SNX3: variants seen among roughly 807,000 people sequenced by gnomAD.
SNX3 encodes sorting nexin 3.
Under a neutral mutation model 17.7 loss-of-function variants are expected in SNX3, and 5 were observed. That is an observed-to-expected ratio of 0.28 (90% CI 0.15 to 0.59). SNX3 has a LOEUF of 0.59. Among genes scored for constraint, SNX3 ranks in the 20% least tolerant of loss-of-function variants. The pLI is 0.88. For synonymous variants in SNX3, 91 were observed against 76.5 expected, an observed-to-expected ratio of 1.19 and a Z score of -0.99; for missense variants, 132 against 206.8, an observed-to-expected ratio of 0.64 and a Z score of 2.22.
At chr6:108,235,353 G>A in intron 1 of SNX3, among the ~76,000 whole-genome samples, 1 of 152,118 alleles carries the variant, frequency 6.6e-6, no homozygotes. Context: ...AAATCCTCCA[G>A]TCCCAGTCAA....
chr6:108,258,876 G>A lies in SNX3; in HGVS notation c.162+1884C>T, dbSNP rs562536874. Among the ~76,000 whole-genome samples, 9 of 152,012 alleles carry A rather than the reference G, an allele frequency of 5.9e-5. No homozygotes were observed. In the South Asian group the frequency reaches 1.3e-3, roughly 21 times the overall value. ...ATTAGGTGTATTAAAAAAAAAAGAG[G>A]ATTAAATTATTATACTAGAACCCAT... is the stretch of plus-strand genomic sequence containing the variant. On this transcript the variant is annotated intron_variant, in intron 1 of 3. Transcript: ENST00000230085.
Position 108,211,305 on chromosome 6 carries a change from C to G in SNX3, c.*844G>C, listed in dbSNP as rs1397413019. ...AAGTGCTTCAAAATGATTCAATAAG[C>G]CTTAAGCAATACATTTTTTAGTATA... is the stretch of plus-strand genomic sequence containing the variant. On this transcript the variant is annotated 3_prime_UTR_variant, in exon 4 of 4. Coordinates refer to ENST00000230085, the MANE Select transcript of SNX3 (RefSeq NM_003795.6). 2.6e-5 allele frequency: 4 copies of G among 152,106 alleles called. No homozygotes were observed. The highest frequency in any genetic ancestry group is 9.7e-5 in the African/African-American group (4 of 41,406). The allele number at this position is 152,106 out of a possible 1,614,324, so 9.4% of individuals were successfully genotyped here.
At position 108,214,578 on chromosome 6, in the gene SNX3, A is replaced by G; in HGVS notation, c.303T>C (p.Leu101=). The G allele has an allele frequency of 6.2e-7, 1 of 1,613,484 alleles. No homozygotes were observed. The highest frequency in any genetic ancestry group is 2.2e-5 in the East Asian group (1 of 44,878). ...ATATTCCATCATCTCCTCTAAAAGG[A>G]AGCTGACGCAAAAACGCTTTCCCAG... The part of the protein sequence containing the change: ...PLPGKAFLRQ[L]PFRGDDGIFD... Residue 101 remains leucine, a synonymous_variant, in exon 3 of 4, where the codon CTT becomes CTC. Transcript: ENST00000230085.
intron 1 of SNX3, among the ~76,000 whole-genome samples, chr6:108,224,382 G>A (rs1359870621): frequency 2.0e-5 from 3 of 152,084 alleles, no homozygotes; most frequent in African/African-American, 2.4e-5. Context: ...CTGGGTTCAC[G>A]CCATTCTCCT....
intron 1 of SNX3, among the ~76,000 whole-genome samples, chr6:108,224,235 C>G (rs546970530): frequency 1.1e-4 from 16 of 152,284 alleles, no homozygotes; most frequent in African/African-American, 3.6e-4. Context: ...TCCCGGGTAG[C>G]TGGGACTGCA....
chr6:108,260,573 C>T (rs995034671), intron 1 of SNX3, among the ~76,000 whole-genome samples, 187 bp downstream of exon 1: 1 of 152,278 alleles, frequency 6.6e-6, no homozygotes, highest in Non-Finnish European at 1.5e-5. Context: ...GCGCCGGGCT[C>T]GCTCTGCAGC....
rs761327116 is a variant in SNX3, at chr6:108,260,927, T to C, written c.-6A>G. On this transcript the variant is annotated 5_prime_UTR_variant, in exon 1 of 4. Transcript: ENST00000230085. ...TCAGCCACGGTCTCCGCCATTTCGC[T>C]GTAGCTGCTGCCGCCGCCGCGGGCT... 6.4e-7 allele frequency: 1 copy of C among 1,568,572 alleles called. No homozygotes were observed. Among genetic ancestry groups the C allele is most frequent in the Non-Finnish European group, 8.6e-7 (1 of 1,158,116 alleles).
intron 2 of SNX3, among the ~76,000 whole-genome samples, chr6:108,219,815 C>T (rs1774699772): frequency 6.6e-6 from 1 of 152,144 alleles, no homozygotes; most frequent in Admixed American, 6.6e-5. Flanking sequence ...AATCTATTTG[C>T]CCAACCTAAA....
At chr6:108,239,055 C>T (rs560724734) in intron 1 of SNX3, among the ~76,000 whole-genome samples, 3 of 152,026 alleles carry the variant, frequency 2.0e-5, no homozygotes, top group African/African-American at 7.2e-5. Context: ...CATGTGCCCC[C>T]ACACCCAGCT....
chr6:108,221,271 T>C (rs946995465), intron 2 of SNX3, among the ~76,000 whole-genome samples: 1 of 139,950 alleles, frequency 7.1e-6, no homozygotes, highest in Admixed American at 7.2e-5. Flanking sequence ...TTTAGCTTTG[T>C]TTTTTTTTTT....
intron 1 of SNX3, among the ~76,000 whole-genome samples, chr6:108,260,131 A>T (rs774736055): frequency 5.3e-5 from 8 of 152,232 alleles, no homozygotes; most frequent in Non-Finnish European, 8.8e-5. Flanking sequence ...GTTCTGGATT[A>T]TGAGGTAGGT....
chr6:108,245,585 G>C (rs1345513323), intron 1 of SNX3, among the ~76,000 whole-genome samples: 1 of 152,128 alleles, frequency 6.6e-6, no homozygotes, highest in African/African-American at 2.4e-5. Context: ...GTGTAAAAGC[G>C]TTCCTATTTC....
intron 1 of SNX3, among the ~76,000 whole-genome samples, chr6:108,224,603 C>T (rs1156979002): frequency 1.3e-5 from 2 of 152,062 alleles, no homozygotes; most frequent in African/African-American, 2.4e-5. Flanking sequence ...CTAAATGAAA[C>T]CAAAATATTT....
chr6:108,244,654 T>TG (rs1261419698), intron 1 of SNX3, among the ~76,000 whole-genome samples: 84 of 140,642 alleles, frequency 6.0e-4, no homozygotes, highest in African/African-American at 2.1e-3. Flanking sequence ...GGAGTTTTTT[T>TG]TTTTTTTTTT....
chr6:108,228,817 T>C (rs189590525), intron 1 of SNX3, among the ~76,000 whole-genome samples: 64 of 152,132 alleles, frequency 4.2e-4, no homozygotes, highest in African/African-American at 1.5e-3. Context: ...CATACAAAAA[T>C]ATTTTAGCAT....
Position 108,211,396 on chromosome 6 carries a change from T to C in SNX3, c.*753A>G, listed in dbSNP as rs1306221300. 1 of 152,158 alleles carries C rather than the reference T, an allele frequency of 6.6e-6. No homozygotes were observed. Among genetic ancestry groups the C allele is most frequent in the East Asian group, 1.9e-4 (1 of 5,200 alleles). The allele number at this position is 152,158 out of a possible 1,614,324, so 9.4% of individuals were successfully genotyped here. On this transcript the variant is annotated 3_prime_UTR_variant, in exon 4 of 4. Transcript: ENST00000230085. Reference sequence around the variant, plus strand: ...GAAGTATATTTGATATCACCACTGTTTAAAGGGAATGGAGTTACAGGAATG... The same window carrying C: ...GAAGTATATTTGATATCACCACTGTCTAAAGGGAATGGAGTTACAGGAATG...
intron 1 of SNX3, among the ~76,000 whole-genome samples, chr6:108,259,421 T>C (rs971634767): frequency 1.4e-4 from 22 of 151,988 alleles, no homozygotes; most frequent in African/African-American, 4.6e-4. Flanking sequence ...CTAGTAGAGA[T>C]GGGGTTTCTC....
chr6:108,224,960 C>A (rs6941740), intron 1 of SNX3, among the ~76,000 whole-genome samples: 197 of 152,304 alleles, frequency 1.3e-3, no homozygotes, highest in African/African-American at 4.5e-3. Flanking sequence ...TGAAAGATTT[C>A]TATTATCTTT....
chr6:108,217,853 A>G (rs555470180), intron 2 of SNX3, among the ~76,000 whole-genome samples: 298 of 152,304 alleles, frequency 2.0e-3, no homozygotes, highest in Non-Finnish European at 2.3e-3. Flanking sequence ...TGAGCACAAT[A>G]TATTGAAAGC....
Sources: allele counts gnomAD v4.1 joint callset (sites outside exome capture counted in the v4.1 genomes callset), GRCh38; gene constraint gnomAD v4.1.1; transcripts MANE v1.5; gene names NCBI Gene and HGNC (gene_info 2026-07-23, HGNC 2026-07-21).